Variants in SYT14 observed in about 807,000 individuals in gnomAD.
SYT14 encodes the protein synaptotagmin 14.
A neutral mutation model predicts 74.2 loss-of-function variants in SYT14; 32 were observed. The ratio of observed to expected loss-of-function variants is 0.43; its 90% CI spans 0.33 to 0.58. The LOEUF (loss-of-function observed/expected upper bound fraction) is 0.58. SYT14 is among the 20% of genes least tolerant of loss of function. SYT14 has a pLI of 0.05. For missense variants in SYT14, 791 were observed against 981.8 expected, an observed-to-expected ratio of 0.81 and a Z score of 2.60; for synonymous variants, 298 against 337.7, an observed-to-expected ratio of 0.88 and a Z score of 1.29.
intron 3 of SYT14, among the ~76,000 whole-genome samples, chr1:210,015,016 ATAT>A (rs779890791): frequency 2.1e-3 from 324 of 151,870 alleles, no homozygotes; most frequent in Non-Finnish European, 2.6e-3. Flanking sequence ...AAATTTAAAA[ATAT>A]TATTAATTTA....
chr1:209,978,251 G>A (rs2079407138), intron 2 of SYT14, among the ~76,000 whole-genome samples: 2 of 152,194 alleles, frequency 1.3e-5, no homozygotes, highest in African/African-American at 2.4e-5. Context: ...CTGGTGAGGA[G>A]CTGCGTTCCT....
intron 3 of SYT14, among the ~76,000 whole-genome samples, chr1:210,014,976 T>G (rs1213414106): frequency 6.7e-6 from 1 of 150,116 alleles, no homozygotes; most frequent in Admixed American, 6.7e-5. Context: ...TGAGAAAATT[T>G]AAAAATATTA....
At chr1:210,086,530 C>T (rs571937713) in intron 5 of SYT14, among the ~76,000 whole-genome samples, 13 of 152,208 alleles carry the variant, frequency 8.5e-5, no homozygotes, top group Non-Finnish European at 1.6e-4. Context: ...CATCTCCTCA[C>T]TTTCAATACA....
intron 7 of SYT14, among the ~76,000 whole-genome samples, chr1:210,101,854 CAA>C (rs2082073234): frequency 6.6e-6 from 1 of 152,068 alleles, no homozygotes; most frequent in Admixed American, 6.5e-5. Context: ...ACTCTGTCAT[CAA>C]GAGGTATGTA....
At chr1:209,946,052 A>G (rs1484183486) in intron 1 of SYT14, among the ~76,000 whole-genome samples, 3 of 152,106 alleles carry the variant, frequency 2.0e-5, no homozygotes. Flanking sequence ...TACTATTGTA[A>G]TTGTTTTGGG....
chr1:210,122,528 G>A (rs2082487574), intron 7 of SYT14, among the ~76,000 whole-genome samples: 1 of 151,382 alleles, frequency 6.6e-6, no homozygotes, highest in African/African-American at 2.4e-5. Flanking sequence ...TCTAAAGCAG[G>A]GGTTGGCAAA....
chr1:209,953,226 A>G, intron 2 of SYT14: 1 of 1,287,328 alleles, frequency 7.8e-7, no homozygotes, highest in Non-Finnish European at 1.0e-6. Flanking sequence ...GCCACCTGAC[A>G]ACTGGGTGGT....
intron 2 of SYT14, among the ~76,000 whole-genome samples, chr1:209,973,969 G>A (rs2079308830): frequency 6.6e-6 from 1 of 152,090 alleles, no homozygotes; most frequent in Non-Finnish European, 1.5e-5. Context: ...CAGTGATGAT[G>A]AGCATTTTTT....
rs138854816 is a variant in SYT14, at chr1:209,991,965, C to G, written c.-485-21668C>G. ...TTGCAGATTTCTCAAATAATTTAAACAGAACTACCATTTGACCTAGCAATC... is the reference window on the plus strand; with the variant it reads ...TTGCAGATTTCTCAAATAATTTAAAGAGAACTACCATTTGACCTAGCAATC... On this transcript the variant is annotated intron_variant, in intron 2 of 9. Coordinates refer to ENST00000637265, the Ensembl canonical transcript of SYT14. Among the ~76,000 whole-genome samples the G allele has an allele frequency of 1.3e-3, 193 of 152,162 alleles. 1 individual carries two copies. Among genetic ancestry groups the G allele is most frequent in the African/African-American group, 4.4e-3 (183 of 41,498 alleles).
At chr1:209,938,505 C>T (rs1264245725) in intron 1 of SYT14, among the ~76,000 whole-genome samples, 1 of 151,852 alleles carries the variant, frequency 6.6e-6, no homozygotes, top group Non-Finnish European at 1.5e-5. Context: ...GTGGTTTTGC[C>T]GGCCTCCCGG....
intron 1 of SYT14, among the ~76,000 whole-genome samples, chr1:209,943,913 T>TA (rs2078780108): frequency 1.3e-5 from 2 of 152,316 alleles, no homozygotes; most frequent in African/African-American, 4.8e-5. Context: ...CCTATCAAAT[T>TA]AGAACCCTTG....
At chr1:209,999,004 A>G (rs1226149555) in intron 2 of SYT14, among the ~76,000 whole-genome samples, 1 of 152,040 alleles carries the variant, frequency 6.6e-6, no homozygotes, top group Non-Finnish European at 1.5e-5. Flanking sequence ...AAAAGACAAC[A>G]TGTTGAATGG....
rs368545452 is a variant in SYT14 at position 209,938,252 on chromosome 1, T to C, written c.-559T>C. 89 of 1,558,348 alleles carry C rather than the reference T, an allele frequency of 5.7e-5. No homozygotes were observed. The African/African-American group carries it at 7.0e-4, about 12-fold the overall frequency. ...CCCGCCATCCAGTTGGTGCGGTCCA[T>C]GGCGAGCGCATCATGGCGATTGAAG... On this transcript the variant is annotated 5_prime_UTR_variant, in exon 1 of 10. The change abolishes an upstream ATG in the 5' untranslated region. Coordinates refer to ENST00000637265, the Ensembl canonical transcript of SYT14.
At chr1:210,000,708 G>A (rs967310813) in intron 2 of SYT14, among the ~76,000 whole-genome samples, 17 of 143,318 alleles carry the variant, frequency 1.2e-4, no homozygotes, top group Non-Finnish European at 1.5e-4. Flanking sequence ...TCTGCCCTCC[G>A]AGTCAAGTGA....
chr1:210,140,351 T>C (rs2082889422), intron 7 of SYT14, among the ~76,000 whole-genome samples: 1 of 152,178 alleles, frequency 6.6e-6, no homozygotes, highest in Non-Finnish European at 1.5e-5. Context: ...TCTATTAAAA[T>C]CCTTTGCCTT....
intron 1 of SYT14, among the ~76,000 whole-genome samples, chr1:209,944,418 A>G (rs1438769314): frequency 6.6e-6 from 1 of 152,210 alleles, no homozygotes; most frequent in Non-Finnish European, 1.5e-5. Flanking sequence ...CCTCTTAGAA[A>G]AGACTATTGA....
chr1:210,021,252 A>C (rs1050156461), exon 5 of SYT14: 2 of 1,613,298 alleles, frequency 1.2e-6, no homozygotes, highest in African/African-American at 2.7e-5. Flanking sequence ...TCAATAGATG[A>C]AGGTAAGATG....
intron 5 of SYT14, among the ~76,000 whole-genome samples, chr1:210,079,751 A>C (rs906079816): frequency 1.3e-5 from 2 of 152,234 alleles, no homozygotes; most frequent in African/African-American, 4.8e-5. Context: ...AGAGAAAGCA[A>C]ACGAATGAGG....
intron 1 of SYT14, 72 bp downstream of exon 1, chr1:209,938,349 G>T (rs2078668128): frequency 3.4e-6 from 5 of 1,458,436 alleles, no homozygotes; most frequent in Non-Finnish European, 4.6e-6. Context: ...AGGTGCGCCG[G>T]CAGGCCGAGG....
Sources: gnomAD v4.1 joint callset for allele counts (sites outside exome capture counted in the v4.1 genomes callset) on GRCh38, gnomAD v4.1.1 for gene constraint, MANE v1.5 for transcripts, NCBI Gene and HGNC (gene_info 2026-07-23, HGNC 2026-07-21) for gene names.